Variants in ZEB1 observed in about 807,000 individuals in gnomAD.
ZEB1 encodes the protein zinc finger E-box-binding homeobox 1.
In ZEB1, 21 loss-of-function variants were observed where a neutral mutation model predicts 84.9. That is an observed-to-expected ratio of 0.25 (90% CI 0.18 to 0.36). ZEB1 has a LOEUF of 0.36. Among genes scored for constraint, ZEB1 ranks in the 10% least tolerant of loss-of-function variants. The pLI, the probability that ZEB1 is intolerant of heterozygous loss-of-function variation, is 1.00. For synonymous variants in ZEB1, 420 were observed against 471.1 expected (o/e 0.89, Z 1.41); for missense variants, 1,104 against 1,330.2 (o/e 0.83, Z 2.65).
rs2073366873 is a variant in ZEB1, at chr10:31,526,052, T to C, written c.2786-620T>C. Among the ~76,000 whole-genome samples, 3 of 152,336 alleles carry C rather than the reference T, an allele frequency of 2.0e-5. No individual in the cohort carries two copies. In the South Asian group the frequency reaches 6.2e-4, roughly 32 times the overall value. On this transcript the variant is annotated intron_variant, in intron 8 of 8. Coordinates refer to ENST00000424869, the MANE Select transcript of ZEB1 (RefSeq NM_001174096.2). The stretch of plus-strand genomic sequence containing the variant: ...CCTTTTCATGTCTGGGCAGCAACAC[T>C]CCTGTAGCCCATGCGTTCTCAGGAG...
chr10:31,488,267 G>A (rs927727480), intron 2 of ZEB1, among the ~76,000 whole-genome samples: 2 of 151,028 alleles, frequency 1.3e-5, no homozygotes, highest in African/African-American at 4.8e-5. Flanking sequence ...GAATATTCAG[G>A]TTTTGTATTC....
At chr10:31,445,350 G>A (rs1241106849) in intron 1 of ZEB1, among the ~76,000 whole-genome samples, 1 of 149,632 alleles carries the variant, frequency 6.7e-6, no homozygotes, top group East Asian at 1.9e-4. Flanking sequence ...ATACAATCAT[G>A]TTGTCTGCAA....
chr10:31,446,095 C>A (rs974849628), intron 1 of ZEB1, among the ~76,000 whole-genome samples: 6 of 149,774 alleles, frequency 4.0e-5, no homozygotes, highest in African/African-American at 1.5e-4. Context: ...AATTTCAGAT[C>A]CTGTTATTGG....
At chr10:31,451,649 G>A (rs1191375557) in intron 1 of ZEB1, among the ~76,000 whole-genome samples, 1 of 152,006 alleles carries the variant, frequency 6.6e-6, no homozygotes, top group African/African-American at 2.4e-5. Flanking sequence ...ATCTTTTTTG[G>A]GACTGAATTT....
At chr10:31,525,120 TATC>T (rs1244033483) in intron 8 of ZEB1, among the ~76,000 whole-genome samples, 1 of 152,218 alleles carries the variant, frequency 6.6e-6, no homozygotes, top group African/African-American at 2.4e-5. Context: ...GAAAGTCAAA[TATC>T]AGCATCCGTA....
chr10:31,470,937 C>A (rs1217221931), intron 2 of ZEB1, among the ~76,000 whole-genome samples: 11 of 136,698 alleles, frequency 8.0e-5, no homozygotes, highest in Admixed American at 6.5e-4. Context: ...GAATTTTCAA[C>A]CCAGAATTTC....
intron 1 of ZEB1, among the ~76,000 whole-genome samples, chr10:31,444,140 G>C (rs1299343964): frequency 1.3e-5 from 2 of 150,766 alleles, no homozygotes; most frequent in Admixed American, 6.6e-5. Flanking sequence ...TAGTGGTTTT[G>C]ATTTGCATTT....
chr10:31,379,198 A>G (rs927519570), intron 1 of ZEB1, among the ~76,000 whole-genome samples: 9 of 152,012 alleles, frequency 5.9e-5, no homozygotes, highest in Admixed American at 5.9e-4. Flanking sequence ...GACCCAAGTA[A>G]TATGCTCTAA....
At chr10:31,453,247 G>T (rs11008501) in intron 1 of ZEB1, among the ~76,000 whole-genome samples, 18,636 of 152,156 alleles carry the variant, frequency 0.12, 2,916 homozygotes, top group African/African-American at 0.36. Context: ...GCCTTCGCCT[G>T]TGGCTTTAAT....
At chr10:31,342,217 A>T (rs953485234) in intron 1 of ZEB1, among the ~76,000 whole-genome samples, 4 of 152,190 alleles carry the variant, frequency 2.6e-5, no homozygotes, top group Non-Finnish European at 4.4e-5. Flanking sequence ...AGAATATGAG[A>T]TACATACTAT....
At chr10:31,350,585 C>T (rs2041155391) in intron 1 of ZEB1, among the ~76,000 whole-genome samples, 1 of 152,140 alleles carries the variant, frequency 6.6e-6, no homozygotes, top group Non-Finnish European at 1.5e-5. Flanking sequence ...GTTTAAGATA[C>T]TTGGTTATCA....
At chr10:31,409,772 A>T (rs1231735733) in intron 1 of ZEB1, among the ~76,000 whole-genome samples, 1 of 152,070 alleles carries the variant, frequency 6.6e-6, no homozygotes, top group Non-Finnish European at 1.5e-5. Flanking sequence ...TCTTTGTAGC[A>T]GTTGTAAATG....
intron 1 of ZEB1, among the ~76,000 whole-genome samples, chr10:31,429,743 T>A (rs1421869559): frequency 3.6e-5 from 5 of 138,450 alleles, no homozygotes; most frequent in African/African-American, 1.1e-4. Flanking sequence ...CTTTTTTTTT[T>A]TTTTTTTTTT....
chr10:31,391,763 A>G (rs927805197), intron 1 of ZEB1, among the ~76,000 whole-genome samples: 31 of 152,194 alleles, frequency 2.0e-4, no homozygotes, highest in Non-Finnish European at 5.9e-5. Flanking sequence ...AATATAATCT[A>G]GTACCCTTTT....
intron 1 of ZEB1, among the ~76,000 whole-genome samples, chr10:31,381,292 T>G (rs1011001079): frequency 3.9e-5 from 6 of 152,188 alleles, no homozygotes; most frequent in Non-Finnish European, 8.8e-5. Flanking sequence ...AAAAATTTAA[T>G]AAAGTACCAG....
rs1315266468 is a variant in ZEB1 at position 31,382,015 on chromosome 10, A to AC, written c.58+62723_58+62724insC. Among the ~76,000 whole-genome samples, 791 of 119,404 alleles carry AC rather than the reference A, an allele frequency of 6.6e-3. 23 individuals are homozygous for AC. The highest frequency in any genetic ancestry group is 0.045 in the African/African-American group (756 of 16,786). The allele number at this position is 119,404 out of a possible 152,430, so 78.3% of individuals were successfully genotyped here. On this transcript the variant is annotated intron_variant, in intron 1 of 8. Coordinates refer to ENST00000424869, the MANE Select transcript of ZEB1 (RefSeq NM_001174096.2). ...GACAGTGAGACTGTCTCAAAAAAAA[A>AC]AAAAAAAAAAAAAAAAAAACAAAGT... is the stretch of plus-strand genomic sequence containing the variant.
At chr10:31,359,537 G>A (rs934745561) in intron 1 of ZEB1, among the ~76,000 whole-genome samples, 3 of 151,954 alleles carry the variant, frequency 2.0e-5, no homozygotes, top group South Asian at 2.1e-4. Context: ...TGGTTTTTCT[G>A]TTCTTAAAAT....
At chr10:31,458,941 G>A (rs1231269124) in intron 1 of ZEB1, among the ~76,000 whole-genome samples, 1 of 152,002 alleles carries the variant, frequency 6.6e-6, no homozygotes, top group African/African-American at 2.4e-5. Flanking sequence ...TAAATTCATC[G>A]TAAGTTGAAA....
chr10:31,511,099 G>A (rs1427276081), intron 5 of ZEB1, among the ~76,000 whole-genome samples: 1 of 152,160 alleles, frequency 6.6e-6, no homozygotes, highest in Admixed American at 6.5e-5. Context: ...TCAGTATTTT[G>A]TTCAGGTAAG....
Sources: gnomAD v4.1 joint callset for allele counts (sites outside exome capture counted in the v4.1 genomes callset) on GRCh38, gnomAD v4.1.1 for gene constraint, MANE v1.5 for transcripts, NCBI Gene and HGNC (gene_info 2026-07-23, HGNC 2026-07-21) for gene names.